POMT1: variants seen among roughly 807,000 people sequenced by gnomAD.
POMT1 encodes protein O-mannosyltransferase 1, also known as protein O-mannosyl-transferase 1.
Under a neutral mutation model 101.6 loss-of-function variants are expected in POMT1, and 85 were observed. The observed-to-expected ratio is 0.84, with a 90% CI of 0.70 to 1.00. The LOEUF (loss-of-function observed/expected upper bound fraction) is 1.00. Among genes scored for constraint, POMT1 ranks in the 50% least tolerant of loss-of-function variants. The probability of loss-of-function intolerance (pLI) is 0.00; values close to 1 mark genes in which losing one functional copy is unlikely to be tolerated. For missense variants in POMT1, 857 were observed against 930.4 expected (o/e 0.92, Z 1.03); for synonymous variants, 371 against 383.0 (o/e 0.97, Z 0.37).
intron 9 of POMT1, chr9:131,510,976 C>CT: frequency 1.5e-5 from 4 of 263,716 alleles, no homozygotes; most frequent in East Asian, 9.7e-5. Flanking sequence ...TGCCGACGGC[C>CT]AGTGCTGTAG....
chr9:131,520,214 G>C (rs1949640058), intron 17 of POMT1, 21 bp downstream of exon 17: 1 of 1,569,734 alleles, frequency 6.4e-7, no homozygotes, highest in Non-Finnish European at 8.8e-7. Context: ...GATGCTGACA[G>C]CTGACAGTCA....
chr9:131,510,407 A>C lies in POMT1; in HGVS notation c.847A>C (p.Ser283Arg), dbSNP rs747506380. The change falls in exon 9 of 20, where the codon AGC becomes CGC. Residue 283 changes from serine (S) to arginine (R), a missense_variant. Transcript: ENST00000402686. ...AATCATGTCCAGTGCCTTCCAGGCC[A>C]GCTTAGAGGTAAGTAAGCAGTGGGC... ...DQIMSSAFQA[S>R]LEGGLARITQ... 71 of 1,614,050 alleles carry C rather than the reference A, an allele frequency of 4.4e-5. No homozygotes were observed. The Admixed American group carries it at 1.1e-3, about 26-fold the overall frequency.
Position 131,510,434 on chromosome 9 carries a change from T to C in POMT1, c.855+19T>C, listed in dbSNP as rs750248365. The C allele has an allele frequency of 5.0e-6, 8 of 1,610,664 alleles. No homozygotes were observed. Among genetic ancestry groups the C allele is most frequent in the Non-Finnish European group, 6.8e-6 (8 of 1,176,894 alleles). On this transcript the variant is annotated intron_variant, in intron 9 of 19. Coordinates refer to ENST00000402686, the MANE Select transcript of POMT1 (RefSeq NM_001077365.2). ...CTTAGAGGTAAGTAAGCAGTGGGCA[T>C]CGTGGCCACTGGAGAAGGAAGATGA...
Position 131,506,101 on chromosome 9 carries a change from T to G in POMT1, c.123-13T>G, listed in dbSNP as rs773958478. On this transcript the variant is annotated splice_polypyrimidine_tract_variant and intron_variant, in intron 2 of 19. Transcript: ENST00000402686. ...TAATTGAATATAATATGGGTTGTTG[T>G]TTTTTTTTCTAGTTTTGACGAAGTA... 10 of 1,573,328 alleles carry G rather than the reference T, an allele frequency of 6.4e-6. No homozygotes were observed. Among genetic ancestry groups the G allele is most frequent in the South Asian group, 3.3e-5 (3 of 90,444 alleles).
intron 12 of POMT1, among the ~76,000 whole-genome samples, chr9:131,513,723 C>T (rs1356387154): frequency 1.3e-5 from 2 of 152,224 alleles, no homozygotes; most frequent in South Asian, 2.1e-4. Flanking sequence ...CCTGGAAGCT[C>T]GGGCACGAGT....
At chr9:131,518,633 C>A in intron 14 of POMT1, 96 bp downstream of exon 14, 1 of 1,405,756 alleles carries the variant, frequency 7.1e-7, no homozygotes. Context: ...GCAGGCGGAA[C>A]GCTTCATTTG....
intron 13 of POMT1, among the ~76,000 whole-genome samples, chr9:131,515,908 T>TCTAA: frequency 1.4e-4 from 18 of 124,848 alleles, no homozygotes; most frequent in Admixed American, 3.9e-4. Context: ...GAGCACTTCC[T>TCTAA]CACATGGAGC....
chr9:131,517,480 G>A (rs1482518184), intron 13 of POMT1, among the ~76,000 whole-genome samples: 2 of 152,122 alleles, frequency 1.3e-5, no homozygotes, highest in Non-Finnish European at 2.9e-5. Context: ...GTCTTGCTAT[G>A]TTGTCCAGGC....
At chr9:131,510,436 G>C in intron 9 of POMT1, 21 bp downstream of exon 9, 1 of 1,609,570 alleles carries the variant, frequency 6.2e-7, no homozygotes, top group Non-Finnish European at 8.5e-7. Context: ...AGTGGGCATC[G>C]TGGCCACTGG....
Position 131,522,998 on chromosome 9 carries a change from G to T in POMT1, c.2070G>T (p.Val690=), listed in dbSNP as rs752855537. 2 of 1,608,710 alleles carry T rather than the reference G, an allele frequency of 1.2e-6. No homozygotes were observed. Among genetic ancestry groups the T allele is most frequent in the Non-Finnish European group, 1.7e-6 (2 of 1,179,106 alleles). The part of the protein sequence containing the change: ...VVAWYSSACH[V]SNTLRPLTYG... Reference sequence around the variant, plus strand: ...CCTGGTACTCCTCCGCGTGCCACGTGTCCAACACGCTGCGCCCACTCACCT... The same window carrying T: ...CCTGGTACTCCTCCGCGTGCCACGTTTCCAACACGCTGCGCCCACTCACCT... The change falls in exon 20 of 20, where the codon GTG becomes GTT. Residue 690 remains valine (V), a synonymous_variant. Coordinates refer to ENST00000402686, the MANE Select transcript of POMT1 (RefSeq NM_001077365.2). The surrounding 1 kb of genome is among the most constrained non-coding windows in gnomAD (Gnocchi z 5.5).
Position 131,522,167 on chromosome 9 carries a change from C to T in POMT1, c.1946C>T (p.Thr649Ile), listed in dbSNP as rs1259262637. The T allele has an allele frequency of 2.5e-6, 4 of 1,614,064 alleles. No homozygotes were observed. Among genetic ancestry groups the T allele is most frequent in the Non-Finnish European group, 3.4e-6 (4 of 1,180,058 alleles). ...LFLYHYLPAL[T>I]FQILLLPVVL... is the part of the protein sequence containing the mutation. ...CTCTACCACTACCTGCCCGCACTCACCTTCCAAATCCTTCTGCTCCCTGTG... is the reference window on the plus strand; with the variant it reads ...CTCTACCACTACCTGCCCGCACTCATCTTCCAAATCCTTCTGCTCCCTGTG... The change falls in exon 19 of 20, where the codon ACC becomes ATC. Residue 649 changes from threonine (T) to isoleucine (I), a missense_variant. By Grantham distance (89) the Thr-to-Ile change is moderately conservative (BLOSUM62 -1). Transcript: ENST00000402686. This position sits in a 1 kb window ranked among gnomAD's most constrained non-coding sequence, Gnocchi z 5.5.
Position 131,506,360 on chromosome 9 carries a change from T to A in POMT1, c.230-43T>A, listed in dbSNP as rs924850837. ...ATTGCTTGCCACAGTACTCTAGAAA[T>A]ATTTGCTGAATGGGATAGTTACTGA... On this transcript the variant is annotated intron_variant, in intron 3 of 19. Coordinates refer to ENST00000402686, the MANE Select transcript of POMT1 (RefSeq NM_001077365.2). 12 of 1,591,958 alleles carry A rather than the reference T, an allele frequency of 7.5e-6. No individual in the cohort carries two copies. In the Admixed American group the frequency reaches 1.2e-4, roughly 15 times the overall value.
At chr9:131,509,125 C>T (rs145339144) in intron 6 of POMT1, 103 bp downstream of exon 6, 53 of 838,598 alleles carry the variant, frequency 6.3e-5, no homozygotes, top group East Asian at 3.6e-4. Flanking sequence ...TTTTGTGAGA[C>T]AGTACCTTTT....
At chr9:131,521,166 G>T in intron 17 of POMT1, 180 bp from the exon 18 acceptor site, 2 of 797,884 alleles carry the variant, frequency 2.5e-6, no homozygotes, top group South Asian at 1.5e-5. Flanking sequence ...TTAATGAAAG[G>T]TCTGAGTAGG....
rs1945115648 is a variant in POMT1 at position 131,503,794 on chromosome 9, G to T, written c.-30-395G>T. Among the ~76,000 whole-genome samples the T allele has an allele frequency of 6.6e-6, 1 of 152,166 alleles. No homozygotes were observed. Among genetic ancestry groups the T allele is most frequent in the Admixed American group, 6.5e-5 (1 of 15,284 alleles). On this transcript the variant is annotated intron_variant, in intron 1 of 19. Transcript: ENST00000402686. This position sits in a 1 kb window ranked among gnomAD's most constrained non-coding sequence, Gnocchi z 4.4. Reference sequence around the variant, plus strand: ...GGCTCGGCCAGGTTGGGGTCCCTGGGCTGTAAGCAGCTGAGATGGCACCCA... The same window carrying T: ...GGCTCGGCCAGGTTGGGGTCCCTGGTCTGTAAGCAGCTGAGATGGCACCCA...
At chr9:131,518,231 G>C (rs536082529) in intron 13 of POMT1, 59 of 673,840 alleles carry the variant, frequency 8.8e-5, no homozygotes, top group Non-Finnish European at 1.6e-4. Flanking sequence ...GCGAGGAGGA[G>C]GGTGCACTTC....
intron 2 of POMT1, among the ~76,000 whole-genome samples, chr9:131,505,653 T>C (rs1945625359): frequency 6.6e-6 from 1 of 151,970 alleles, no homozygotes; most frequent in South Asian, 2.1e-4. Context: ...CACCTCTCCC[T>C]GATTGAAAAC....
At position 131,511,340 on chromosome 9, in the gene POMT1, G is replaced by A. The variant is rs746438766; in HGVS notation, c.859G>A (p.Gly287Arg). The A allele has an allele frequency of 3.1e-6, 5 of 1,611,712 alleles. No homozygotes were observed. In the East Asian group the frequency reaches 6.7e-5, roughly 22 times the overall value. ...CAACCTTCTGCTTCTGTCTCAGGGA[G>A]GACTAGCTCGGATCACTCAGGGTCA... ...SSAFQASLEG[G>R]LARITQGQPL... The change falls in exon 10 of 20, where the codon GGA (glycine) becomes AGA (arginine). Residue 287 changes from glycine to arginine, a missense_variant. Physicochemically the swap from Gly to Arg is moderately radical, Grantham distance 125. Coordinates refer to ENST00000402686, the MANE Select transcript of POMT1 (RefSeq NM_001077365.2).
At chr9:131,516,438 G>A (rs532659818) in intron 13 of POMT1, 2 of 145,664 alleles carry the variant, frequency 1.4e-5, no homozygotes, top group South Asian at 3.4e-4. Context: ...CGGAGCACTT[G>A]CTCACACGGA....
Sources: gnomAD v4.1 joint callset for allele counts (sites outside exome capture counted in the v4.1 genomes callset) on GRCh38, gnomAD v4.1.1 for gene constraint, Gnocchi (gnomAD v3.1) non-coding constraint, MANE v1.5 for transcripts, NCBI Gene and HGNC (gene_info 2026-07-23, HGNC 2026-07-21) for gene names.